MINDY3: variants seen among roughly 807,000 people sequenced by gnomAD.
MINDY3 encodes ubiquitin carboxyl-terminal hydrolase MINDY-3.
Under a neutral mutation model 69.2 loss-of-function variants are expected in MINDY3, and 38 were observed. The observed-to-expected ratio is 0.55, with a 90% CI of 0.42 to 0.72. The LOEUF (loss-of-function observed/expected upper bound fraction) is 0.72. Ranked by LOEUF, MINDY3 falls within the 30% of genes least tolerant of loss-of-function variation. The probability of loss-of-function intolerance (pLI) is 0.00; values close to 1 mark genes in which losing one functional copy is unlikely to be tolerated. For synonymous variants in MINDY3, 192 were observed against 180.1 expected, an observed-to-expected ratio of 1.07 and a Z score of -0.53; for missense variants, 522 against 519.0, an observed-to-expected ratio of 1.01 and a Z score of -0.06.
rs778451190 is a variant in MINDY3, at chr10:15,778,243, TA to T, written c.*748del. ...TAAATAACGTAATATACTAATGTAA[TA>T]ACAGATCTTCTCATGCATTTATCGT... On this transcript the variant is annotated 3_prime_UTR_variant, in exon 15 of 15. Coordinates refer to ENST00000277632, the MANE Select transcript of MINDY3 (RefSeq NM_024948.4). 10 of 152,298 alleles carry T rather than the reference TA, an allele frequency of 6.6e-5. No homozygotes were observed. The highest frequency in any genetic ancestry group is 1.3e-4 in the Admixed American group (2 of 15,300). 9.4% of individuals were successfully genotyped at this position (152,298 alleles called of 1,614,324 possible).
rs1423919957 is a variant in MINDY3 at position 15,778,858 on chromosome 10, T to G, written c.*134A>C. Reference sequence around the variant, plus strand: ...AATAATTTAAACATATCATAAACACTGAAAATGTGTTTTTAATTGTTATTT... The same window carrying G: ...AATAATTTAAACATATCATAAACACGGAAAATGTGTTTTTAATTGTTATTT... On this transcript the variant is annotated 3_prime_UTR_variant, in exon 15 of 15. Transcript: ENST00000277632. The G allele has an allele frequency of 1.4e-6, 1 of 691,026 alleles. No homozygotes were observed. The highest frequency in any genetic ancestry group is 2.3e-6 in the Non-Finnish European group (1 of 434,378). The allele number at this position is 691,026 out of a possible 1,614,324, so 42.8% of individuals were successfully genotyped here.
chr10:15,833,815 G>T, intron 7 of MINDY3, 106 bp from the exon 8 acceptor site: 1 of 765,642 alleles, frequency 1.3e-6, no homozygotes. Context: ...AATTATGTAA[G>T]AATTTACAAA....
chr10:15,808,684 T>A (rs896372471), intron 10 of MINDY3, among the ~76,000 whole-genome samples: 13 of 152,176 alleles, frequency 8.5e-5, no homozygotes, highest in Non-Finnish European at 1.3e-4. Flanking sequence ...CTGTCATGGA[T>A]ATTCACGTGT....
At chr10:15,805,511 T>C (rs1249302061) in intron 10 of MINDY3, among the ~76,000 whole-genome samples, 3 of 152,208 alleles carry the variant, frequency 2.0e-5, no homozygotes, top group Non-Finnish European at 4.4e-5. Flanking sequence ...CACCTAGTGA[T>C]ACAAGGTAAT....
intron 1 of MINDY3, among the ~76,000 whole-genome samples, chr10:15,855,216 CAT>C (rs1412957573): frequency 6.6e-6 from 1 of 152,022 alleles, no homozygotes; most frequent in Non-Finnish European, 1.5e-5. Context: ...TTCCAGTATA[CAT>C]GTTTGAGTGT....
chr10:15,782,429 G>T (rs1836618102), intron 13 of MINDY3: 1 of 500,492 alleles, frequency 2.0e-6, no homozygotes, highest in Admixed American at 3.9e-5. Context: ...GAAGATGCTG[G>T]AAAGTAGGGA....
At chr10:15,779,805 C>T (rs960947434) in intron 14 of MINDY3, among the ~76,000 whole-genome samples, 1 of 152,132 alleles carries the variant, frequency 6.6e-6, no homozygotes, top group Non-Finnish European at 1.5e-5. Context: ...TAACCAGATA[C>T]TGTATATGCA....
chr10:15,782,848 A>G (rs1198885470), intron 13 of MINDY3, among the ~76,000 whole-genome samples: 1 of 152,222 alleles, frequency 6.6e-6, no homozygotes, highest in African/African-American at 2.4e-5. Context: ...GTAAGCTTGT[A>G]GAAAAATGGG....
intron 8 of MINDY3, among the ~76,000 whole-genome samples, chr10:15,830,079 C>G (rs963479925): frequency 2.0e-5 from 3 of 152,172 alleles, no homozygotes; most frequent in Non-Finnish European, 2.9e-5. Context: ...AAATAACTAG[C>G]AGGTTTTCAA....
At chr10:15,801,193 C>T (rs189981562) in intron 10 of MINDY3, among the ~76,000 whole-genome samples, 11 of 152,034 alleles carry the variant, frequency 7.2e-5, no homozygotes, top group Non-Finnish European at 1.2e-4. Flanking sequence ...GGGGGAAATG[C>T]CATAAAGGAC....
At chr10:15,837,090 T>C (rs1833134260) in intron 6 of MINDY3, 114 bp downstream of exon 6, 5 of 613,824 alleles carry the variant, frequency 8.1e-6, no homozygotes, top group Non-Finnish European at 8.5e-6. Context: ...ACGTAAAAGA[T>C]TTTTATTCTA....
At chr10:15,845,800 C>T (rs1257716728) in intron 2 of MINDY3, among the ~76,000 whole-genome samples, 20 of 148,756 alleles carry the variant, frequency 1.3e-4, no homozygotes, top group Admixed American at 1.3e-3. Context: ...AGCCACCGTG[C>T]CTGGCCTATG....
At chr10:15,838,913 C>T (rs1294616589) in intron 4 of MINDY3, among the ~76,000 whole-genome samples, 1 of 151,586 alleles carries the variant, frequency 6.6e-6, no homozygotes, top group Non-Finnish European at 1.5e-5. Context: ...TTTCTAAATG[C>T]CCTACATGTC....
At chr10:15,835,395 GATTA>G (rs935094158) in intron 6 of MINDY3, among the ~76,000 whole-genome samples, 5 of 152,066 alleles carry the variant, frequency 3.3e-5, no homozygotes, top group Admixed American at 2.0e-4. Flanking sequence ...TTAAATAGAT[GATTA>G]ATTAACAACC....
chr10:15,849,817 ATTCC>A (rs1834148056), intron 1 of MINDY3, among the ~76,000 whole-genome samples: 1 of 152,192 alleles, frequency 6.6e-6, no homozygotes, highest in Admixed American at 6.5e-5. Context: ...AAACCTTAAG[ATTCC>A]ACCAAAAACT....
chr10:15,860,167 G>A, intron 1 of MINDY3, 39 bp downstream of exon 1: 1 of 1,489,620 alleles, frequency 6.7e-7, no homozygotes. Flanking sequence ...CAGGGCAAAA[G>A]AAGCAGCGGC....
At chr10:15,832,447 AT>A (rs11410031) in intron 8 of MINDY3, among the ~76,000 whole-genome samples, 7 of 150,854 alleles carry the variant, frequency 4.6e-5, no homozygotes, top group Non-Finnish European at 8.9e-5. Flanking sequence ...CTGAAATGAG[AT>A]TTTTTTTTTC....
intron 10 of MINDY3, among the ~76,000 whole-genome samples, chr10:15,816,260 CAAA>C (rs1164005904): frequency 7.5e-5 from 2 of 26,822 alleles, no homozygotes; most frequent in East Asian, 7.9e-4. Context: ...GACTCCATCT[CAAA>C]AAAAAAAAAA....
chr10:15,816,079 A>T (rs1839335696), intron 10 of MINDY3, among the ~76,000 whole-genome samples: 1 of 152,098 alleles, frequency 6.6e-6, no homozygotes. Flanking sequence ...CAGCCTGGCC[A>T]ACATGGCGAA....
Sources: allele counts gnomAD v4.1 joint callset (sites outside exome capture counted in the v4.1 genomes callset), GRCh38; gene constraint gnomAD v4.1.1; transcripts MANE v1.5; gene names NCBI Gene and HGNC (gene_info 2026-07-23, HGNC 2026-07-21).